The following SLC4A4 variants were observed in gnomAD, a reference collection of about 807,000 sequenced individuals.
SLC4A4 encodes solute carrier family 4 member 4.
In SLC4A4, 27 loss-of-function variants were observed where a neutral mutation model predicts 111.5. That is an observed-to-expected ratio of 0.24 (90% CI 0.18 to 0.33). The LOEUF (loss-of-function observed/expected upper bound fraction) is 0.33, where lower values mean the gene tolerates loss of function less well. Ranked by LOEUF, SLC4A4 falls within the 10% of genes least tolerant of loss-of-function variation. SLC4A4 has a pLI of 1.00. For missense variants in SLC4A4, 909 were observed against 1,315.5 expected (o/e 0.69, Z 4.78); for synonymous variants, 443 against 463.4 (o/e 0.96, Z 0.57).
rs1725618293 is a variant in SLC4A4, at chr4:71,305,611, C to T, written c.254-33759C>T. Reference sequence around the variant, plus strand: ...TAGAGCTGGGATATGCAAAACCTTTCCCCATCTTTACCACTAGCACACTGT... The same window carrying T: ...TAGAGCTGGGATATGCAAAACCTTTTCCCATCTTTACCACTAGCACACTGT... On this transcript the variant is annotated intron_variant, in intron 3 of 25. Transcript: ENST00000264485. Among the ~76,000 whole-genome samples, 2 of 152,176 alleles carry T rather than the reference C, an allele frequency of 1.3e-5. 1 individual carries two copies. The highest frequency in any genetic ancestry group is 1.3e-4 in the Admixed American group (2 of 15,280).
intron 2 of SLC4A4, among the ~76,000 whole-genome samples, chr4:71,175,159 C>G (rs1296857280): frequency 6.6e-6 from 1 of 152,188 alleles, no homozygotes; most frequent in African/African-American, 2.4e-5. Context: ...ATCCAAATTT[C>G]ATTTAAAAAT....
At position 71,336,917 on chromosome 4, in the gene SLC4A4, G is replaced by A. The variant is rs373420259; in HGVS notation, c.254-2453G>A. The stretch of plus-strand genomic sequence containing the variant: ...CTTCCAATAGTATTAATTTTTGTTT[G>A]TGTACATTGCCTTCATTCTTGTTGT... On this transcript the variant is annotated intron_variant, in intron 3 of 25. Transcript: ENST00000264485. Among the ~76,000 whole-genome samples, 33 of 152,202 alleles carry A rather than the reference G, an allele frequency of 2.2e-4. No homozygotes were observed. The East Asian group carries it at 3.5e-3, about 16-fold the overall frequency.
At chr4:71,378,020 A>G (rs907436551) in intron 6 of SLC4A4, among the ~76,000 whole-genome samples, 1 of 152,142 alleles carries the variant, frequency 6.6e-6, no homozygotes, top group African/African-American at 2.4e-5. Flanking sequence ...AACCCATCAG[A>G]TCTCGTAAGA....
At chr4:71,123,214 A>G (rs1391664616) in intron 2 of SLC4A4, among the ~76,000 whole-genome samples, 1 of 152,234 alleles carries the variant, frequency 6.6e-6, no homozygotes, top group Non-Finnish European at 1.5e-5. Flanking sequence ...GGAGGACTTT[A>G]TAAAACAATA....
At chr4:71,456,795 G>C (rs904117718) in intron 12 of SLC4A4, among the ~76,000 whole-genome samples, 1 of 152,160 alleles carries the variant, frequency 6.6e-6, no homozygotes, top group Non-Finnish European at 1.5e-5. Flanking sequence ...CAGTAGTGGG[G>C]TGTAGTGGGC....
At chr4:71,546,309 T>G in intron 18 of SLC4A4, 41 bp from the exon 19 acceptor site, 3 of 1,537,374 alleles carry the variant, frequency 2.0e-6, no homozygotes, top group Non-Finnish European at 2.7e-6. Context: ...ATAGCGAATA[T>G]GAGTCTTTTC....
At chr4:71,220,771 A>G (rs1407646301) in intron 1 of SLC4A4, among the ~76,000 whole-genome samples, 1 of 152,084 alleles carries the variant, frequency 6.6e-6, no homozygotes, top group Non-Finnish European at 1.5e-5. Context: ...TTACATAGGT[A>G]AACGCATGTC....
chr4:71,423,661 G>C (rs1722787898), intron 7 of SLC4A4, among the ~76,000 whole-genome samples: 1 of 152,136 alleles, frequency 6.6e-6, no homozygotes, highest in African/African-American at 2.4e-5. Flanking sequence ...CAATGGAACA[G>C]AACAGAGCCC....
rs531168155 is a variant in SLC4A4, at chr4:71,484,279, T to C, written c.1904-2669T>C. Among the ~76,000 whole-genome samples the C allele has an allele frequency of 3.3e-5, 5 of 152,022 alleles. No homozygotes were observed. In the East Asian group the frequency reaches 7.8e-4, roughly 24 times the overall value. On this transcript the variant is annotated intron_variant, in intron 14 of 25. Coordinates refer to ENST00000264485, the MANE Select transcript of SLC4A4 (RefSeq NM_001098484.3). ...TGTGTCCTGAATGGTATTGCCTACG[T>C]TGTCTTCTAGGGTTTTTATAGTCTT...
At chr4:71,486,321 ACGTT>A (rs1729397482) in intron 14 of SLC4A4, among the ~76,000 whole-genome samples, 6 of 151,482 alleles carry the variant, frequency 4.0e-5, no homozygotes, top group Non-Finnish European at 7.4e-5. Flanking sequence ...TCCAAGAGGA[ACGTT>A]GGTTTAATAA....
intron 6 of SLC4A4, among the ~76,000 whole-genome samples, chr4:71,368,973 C>T (rs1731591775): frequency 6.6e-6 from 1 of 152,094 alleles, no homozygotes; most frequent in Non-Finnish European, 1.5e-5. Context: ...TTAATGCTTC[C>T]ATCCTCATCC....
intron 6 of SLC4A4, among the ~76,000 whole-genome samples, chr4:71,362,390 A>G (rs1730874954): frequency 6.6e-6 from 1 of 152,258 alleles, no homozygotes; most frequent in South Asian, 2.1e-4. Context: ...TGAAAGAGAG[A>G]TAATGAAAAG....
chr4:71,538,361 T>C (rs1312352567), intron 18 of SLC4A4, among the ~76,000 whole-genome samples: 2 of 152,130 alleles, frequency 1.3e-5, no homozygotes, highest in South Asian at 2.1e-4. Flanking sequence ...GAGTTGAATA[T>C]ATAAAAAATA....
intron 1 of SLC4A4, among the ~76,000 whole-genome samples, chr4:71,087,242 A>G (rs1470432440): frequency 2.0e-5 from 3 of 151,738 alleles, no homozygotes; most frequent in Non-Finnish European, 4.4e-5. Context: ...CTGTGGGATC[A>G]GTGGTGATAT....
intron 7 of SLC4A4, among the ~76,000 whole-genome samples, chr4:71,419,044 C>T (rs985899549): frequency 4.6e-5 from 7 of 152,282 alleles, no homozygotes; most frequent in East Asian, 1.9e-4. Flanking sequence ...TCTGATCATT[C>T]CTCTGGAAGT....
chr4:71,269,917 G>T (rs910871007), intron 3 of SLC4A4, among the ~76,000 whole-genome samples: 2 of 152,280 alleles, frequency 1.3e-5, no homozygotes, highest in Admixed American at 6.5e-5. Context: ...GATCTGTGAG[G>T]TAAGATGATA....
At chr4:71,090,146 T>A (rs1742339255) in intron 1 of SLC4A4, among the ~76,000 whole-genome samples, 1 of 152,092 alleles carries the variant, frequency 6.6e-6, no homozygotes, top group South Asian at 2.1e-4. Context: ...GATCTCAGAC[T>A]GCTGTGCTAG....
At chr4:71,152,506 G>T (rs958123353) in intron 2 of SLC4A4, among the ~76,000 whole-genome samples, 3 of 152,074 alleles carry the variant, frequency 2.0e-5, no homozygotes, top group African/African-American at 4.8e-5. Flanking sequence ...GTAGCTCATC[G>T]TTTTCATATC....
chr4:71,432,093 A>C (rs1723690390), intron 7 of SLC4A4, among the ~76,000 whole-genome samples: 1 of 152,130 alleles, frequency 6.6e-6, no homozygotes, highest in Non-Finnish European at 1.5e-5. Context: ...AATTGGGCTG[A>C]GATAGTAGGA....
Sources: gnomAD v4.1 joint callset for allele counts (sites outside exome capture counted in the v4.1 genomes callset) on GRCh38, gnomAD v4.1.1 for gene constraint, MANE v1.5 for transcripts, NCBI Gene and HGNC (gene_info 2026-07-23, HGNC 2026-07-21) for gene names.